The following JPH3 variants were observed in gnomAD, a reference collection of about 807,000 sequenced individuals.
JPH3 encodes junctophilin 3.
In JPH3, 11 loss-of-function variants were observed where a neutral mutation model predicts 59.6. The observed-to-expected ratio is 0.18, with a 90% CI of 0.12 to 0.31. The LOEUF (loss-of-function observed/expected upper bound fraction) is 0.31, where lower values mean the gene tolerates loss of function less well. JPH3 is among the 10% of genes least tolerant of loss of function. JPH3 has a pLI of 1.00. For synonymous variants in JPH3, 673 were observed against 483.6 expected (o/e 1.39, Z -5.14); for missense variants, 1,202 against 1,105.7 (o/e 1.09, Z -1.24).
At chr16:87,641,011 G>A (rs953556202) in intron 1 of JPH3, among the ~76,000 whole-genome samples, 1 of 152,226 alleles carries the variant, frequency 6.6e-6, no homozygotes, top group Non-Finnish European at 1.5e-5. Context: ...CTGGAAGGGC[G>A]TTCGGGTGTG....
chr16:87,632,750 G>A (rs528693522), intron 1 of JPH3, among the ~76,000 whole-genome samples: 5 of 152,216 alleles, frequency 3.3e-5, no homozygotes, highest in African/African-American at 7.2e-5. Flanking sequence ...AAAATTAGCC[G>A]GGCATGGAGG....
chr16:87,630,466 T>C lies in JPH3; in HGVS notation c.383-13792T>C, dbSNP rs75107764. On this transcript the variant is annotated intron_variant, in intron 1 of 4. Transcript: ENST00000284262. Reference sequence around the variant, plus strand: ...GCCAGTCCTCCCTGGGGAGCAGGACTGTGCATCGAGGCCAGGCTCAGGTCT... The same window carrying C: ...GCCAGTCCTCCCTGGGGAGCAGGACCGTGCATCGAGGCCAGGCTCAGGTCT... Among the ~76,000 whole-genome samples, 1,022 of 151,280 alleles carry C rather than the reference T, an allele frequency of 6.8e-3. 14 individuals carry two copies. The highest frequency in any genetic ancestry group is 0.024 in the African/African-American group (964 of 40,934).
chr16:87,603,444 T>G lies in JPH3; in HGVS notation c.298T>G (p.Cys100Gly), dbSNP rs1300625917. 1.1e-5 allele frequency: 17 copies of G among 1,567,128 alleles called. No individual in the cohort carries two copies. The highest frequency in any genetic ancestry group is 1.4e-5 in the Non-Finnish European group (16 of 1,157,228). The stretch of plus-strand genomic sequence containing the variant: ...CAAGGGGCGCTACGGGGTGCGGGAG[T>G]GCGCGGGCAACGGGGCCAAATACGA... ...GFKGRYGVRE[C>G]AGNGAKYEGT... The change falls in exon 1 of 5, where the codon TGC (cysteine) becomes GGC (glycine). Residue 100 changes from cysteine to glycine, a missense_variant. Physicochemically the swap from Cys to Gly is radical, Grantham distance 159 (BLOSUM62 -3). Transcript: ENST00000284262.
rs553377829 is a variant in JPH3 at position 87,638,128 on chromosome 16, C to T, written c.383-6130C>T. Among the ~76,000 whole-genome samples, 3 of 152,264 alleles carry T rather than the reference C, an allele frequency of 2.0e-5. No homozygotes were observed. In the East Asian group the frequency reaches 5.8e-4, roughly 29 times the overall value. The stretch of plus-strand genomic sequence containing the variant: ...GAAGATGAGGTTTCACCATATTGGC[C>T]AGGCTGGTCTCGAACTCCTGACCTC... On this transcript the variant is annotated intron_variant, in intron 1 of 4. Transcript: ENST00000284262.
chr16:87,654,115 T>A (rs1177842825), intron 2 of JPH3: 1 of 152,236 alleles, frequency 6.6e-6, no homozygotes, highest in African/African-American at 2.4e-5. Context: ...TCTGCACATC[T>A]GCCCACCGTC....
intron 4 of JPH3, among the ~76,000 whole-genome samples, chr16:87,693,282 C>G (rs2033657495): frequency 1.3e-5 from 2 of 152,234 alleles, no homozygotes; most frequent in Non-Finnish European, 2.9e-5. Flanking sequence ...GCACCTCACC[C>G]TCTGAGGACC....
At chr16:87,678,829 G>A (rs1432433067) in intron 2 of JPH3, among the ~76,000 whole-genome samples, 5 of 152,258 alleles carry the variant, frequency 3.3e-5, no homozygotes, top group Admixed American at 6.5e-5. Flanking sequence ...AGAGGCGGGA[G>A]TAAGGCCACC....
At chr16:87,605,704 C>A (rs972675120) in intron 1 of JPH3, among the ~76,000 whole-genome samples, 1 of 152,180 alleles carries the variant, frequency 6.6e-6, no homozygotes, top group African/African-American at 2.4e-5. Flanking sequence ...CTGATCATGT[C>A]CATTCTACAG....
intron 1 of JPH3, among the ~76,000 whole-genome samples, chr16:87,620,551 G>T (rs2031147471): frequency 6.9e-6 from 1 of 144,508 alleles, no homozygotes; most frequent in Non-Finnish European, 1.5e-5. Context: ...GAGGGGAAGG[G>T]CTGCAGAGGG....
intron 2 of JPH3, among the ~76,000 whole-genome samples, chr16:87,675,721 G>A (rs2033127008): frequency 1.3e-5 from 2 of 152,200 alleles, no homozygotes; most frequent in South Asian, 4.1e-4. Flanking sequence ...AAGGTTTAAA[G>A]GTGGTCCCAG....
At chr16:87,653,382 G>GT (rs2032390105) in intron 2 of JPH3, among the ~76,000 whole-genome samples, 1 of 152,156 alleles carries the variant, frequency 6.6e-6, no homozygotes, top group Non-Finnish European at 1.5e-5. Context: ...TCTCCAGTGA[G>GT]TGAGGGATCC....
chr16:87,656,537 C>T (rs914852913), intron 2 of JPH3, among the ~76,000 whole-genome samples: 8 of 152,200 alleles, frequency 5.3e-5, no homozygotes, highest in African/African-American at 1.9e-4. Flanking sequence ...GGGCCGGGCC[C>T]AGTTTCCAGG....
At chr16:87,634,295 A>C (rs1178519700) in intron 1 of JPH3, among the ~76,000 whole-genome samples, 1 of 152,140 alleles carries the variant, frequency 6.6e-6, no homozygotes, top group Non-Finnish European at 1.5e-5. Context: ...GTTCCGGGGC[A>C]TCCTGGGCAG....
At chr16:87,637,817 T>A (rs2031806465) in intron 1 of JPH3, among the ~76,000 whole-genome samples, 1 of 152,068 alleles carries the variant, frequency 6.6e-6, no homozygotes, top group African/African-American at 2.4e-5. Context: ...TGGGTGGTGT[T>A]CCCATGCCGA....
intron 3 of JPH3, among the ~76,000 whole-genome samples, chr16:87,686,662 A>G (rs1433620444): frequency 1.7e-4 from 23 of 135,166 alleles, no homozygotes; most frequent in African/African-American, 6.3e-4. Context: ...GATGCTTCCC[A>G]GAGGGCTCAG....
chr16:87,649,753 C>T (rs980785065), intron 2 of JPH3, among the ~76,000 whole-genome samples: 1 of 152,158 alleles, frequency 6.6e-6, no homozygotes, highest in African/African-American at 2.4e-5. Flanking sequence ...CCCACTTTGG[C>T]CCCTGGGACC....
chr16:87,636,217 C>T (rs2031740811), intron 1 of JPH3, among the ~76,000 whole-genome samples: 1 of 152,218 alleles, frequency 6.6e-6, no homozygotes, highest in Non-Finnish European at 1.5e-5. Context: ...TTGGGAGAGG[C>T]CTCCACCACG....
At chr16:87,680,505 C>G (rs1400287153) in intron 2 of JPH3, among the ~76,000 whole-genome samples, 1 of 152,234 alleles carries the variant, frequency 6.6e-6, no homozygotes, top group Non-Finnish European at 1.5e-5. Context: ...CCAGGCAGGG[C>G]AAGAACGATC....
At chr16:87,649,339 A>G (rs2032254873) in intron 2 of JPH3, among the ~76,000 whole-genome samples, 1 of 152,178 alleles carries the variant, frequency 6.6e-6, no homozygotes, top group Admixed American at 6.5e-5. Flanking sequence ...AGACGTTTTC[A>G]TGACTCATCT....
Sources: allele counts gnomAD v4.1 joint callset (sites outside exome capture counted in the v4.1 genomes callset), GRCh38; gene constraint gnomAD v4.1.1; transcripts MANE v1.5; gene names NCBI Gene and HGNC (gene_info 2026-07-23, HGNC 2026-07-21).